The following FLT4 variants were observed in gnomAD, a reference collection of about 807,000 sequenced individuals.
FLT4 encodes the protein vascular endothelial growth factor receptor 3.
In FLT4, 30 loss-of-function variants were observed where a neutral mutation model predicts 163.2. The observed-to-expected ratio is 0.18, with a 90% CI of 0.14 to 0.25. The LOEUF (loss-of-function observed/expected upper bound fraction) is 0.25. Ranked by LOEUF, FLT4 falls within the 10% of genes least tolerant of loss-of-function variation. The pLI is 1.00. For missense variants in FLT4, 1,510 were observed against 1,863.8 expected (o/e 0.81, Z 3.50); for synonymous variants, 884 against 789.5 (o/e 1.12, Z -2.01).
intron 1 of FLT4, among the ~76,000 whole-genome samples, chr5:180,632,560 C>G (rs1764262791): frequency 6.6e-6 from 1 of 152,052 alleles, no homozygotes; most frequent in African/African-American, 2.4e-5. Context: ...TCCTGCAGGA[C>G]TCAGCCCTGC....
At chr5:180,611,557 C>T (rs1762197778) in intron 26 of FLT4, 78 bp from the exon 27 acceptor site, 1 of 1,458,292 alleles carries the variant, frequency 6.9e-7, no homozygotes, top group Non-Finnish European at 9.3e-7. Flanking sequence ...CCTCAGCCCT[C>T]ACCCCCGCCC....
rs35436199 is a variant in FLT4, at chr5:180,619,697, C to T, written c.2615G>A (p.Ser872Asn). 4.3e-6 allele frequency: 7 copies of T among 1,612,710 alleles called. No individual in the cohort carries two copies. The East Asian group carries it at 1.6e-4, about 36-fold the overall frequency. ...CATTTTCACGGCCACGGTGTCACAG[C>T]TGCTGCCCTTGTGGATGCCGAAAGC... ...ASAFGIHKGSSCDTVAVKMLK... is the reference protein window; with the variant it reads ...ASAFGIHKGSNCDTVAVKMLK... The change falls in exon 18 of 30, where the codon AGC becomes AAC. Residue 872 changes from serine (S) to asparagine (N), a missense_variant. Physicochemically the swap from Ser to Asn is conservative, Grantham distance 46 (BLOSUM62 1). This residue lies in a region of FLT4 where 878 missense variants were observed against 1,016.7 expected (regional missense o/e 0.86). Coordinates refer to ENST00000261937, the MANE Select transcript of FLT4 (RefSeq NM_182925.5).
Position 180,621,471 on chromosome 5 carries a change from G to A in FLT4, c.2020+71C>T, listed in dbSNP as rs1267293853. The A allele has an allele frequency of 3.2e-6, 5 of 1,579,560 alleles. No individual in the cohort carries two copies. In the East Asian group the frequency reaches 6.7e-5, roughly 21 times the overall value. ...AATAGACCTCCCAGGGGCGAGCCAC[G>A]CCGGGGCAAAGGCAGAGGCAGCTAC... On this transcript the variant is annotated intron_variant, in intron 13 of 29. Coordinates refer to ENST00000261937, the MANE Select transcript of FLT4 (RefSeq NM_182925.5).
At chr5:180,638,066 C>T (rs1352748416) in intron 1 of FLT4, among the ~76,000 whole-genome samples, 1 of 152,180 alleles carries the variant, frequency 6.6e-6, no homozygotes, top group African/African-American at 2.4e-5. Flanking sequence ...CGCGCATGCT[C>T]TCCCCTGGGC....
chr5:180,616,319 T>G (rs752136152), intron 23 of FLT4, 48 bp downstream of exon 23: 1 of 1,612,608 alleles, frequency 6.2e-7, no homozygotes, highest in South Asian at 1.1e-5. Context: ...GTCCCACCCC[T>G]TCACCTGTTC....
intron 19 of FLT4, 63 bp from the exon 20 acceptor site, chr5:180,619,172 G>C (rs1451997322): frequency 4.6e-6 from 6 of 1,300,086 alleles, no homozygotes; most frequent in Non-Finnish European, 5.9e-6. Context: ...GGCGCGCTCC[G>C]CGTTTGCACC....
intron 22 of FLT4, among the ~76,000 whole-genome samples, 194 bp from the exon 23 acceptor site, chr5:180,616,683 G>A (rs934021929): frequency 6.6e-6 from 1 of 152,206 alleles, no homozygotes; most frequent in East Asian, 1.9e-4. Context: ...GGGGACAGCA[G>A]AGAAAGTTGT....
intron 23 of FLT4, among the ~76,000 whole-genome samples, 187 bp from the exon 24 acceptor site, chr5:180,614,366 C>G (rs928726394): frequency 6.6e-6 from 1 of 151,626 alleles, no homozygotes; most frequent in Non-Finnish European, 1.5e-5. Flanking sequence ...TAACAGGGTC[C>G]TCTGCCTGGG....
At chr5:180,638,508 G>A (rs770419062) in intron 1 of FLT4, among the ~76,000 whole-genome samples, 33 of 152,170 alleles carry the variant, frequency 2.2e-4, no homozygotes, top group African/African-American at 2.4e-4. Context: ...TCTGGGCCCC[G>A]CTCCCTGCAG....
chr5:180,614,334 G>T (rs1158744972), intron 23 of FLT4, among the ~76,000 whole-genome samples, 155 bp from the exon 24 acceptor site: 1 of 152,104 alleles, frequency 6.6e-6, no homozygotes, highest in Non-Finnish European at 1.5e-5. Flanking sequence ...AGAGGGCTGA[G>T]GCCAGATGCT....
At chr5:180,607,850 C>G (rs1761885649) in intron 29 of FLT4, 3 of 528,818 alleles carry the variant, frequency 5.7e-6, no homozygotes, top group Non-Finnish European at 3.4e-6. Context: ...GCTGAAGGGA[C>G]ATTGTGAGAA....
chr5:180,611,126 A>C (rs1762156649), intron 27 of FLT4, among the ~76,000 whole-genome samples: 1 of 152,170 alleles, frequency 6.6e-6, no homozygotes. Context: ...GGTGGACAGG[A>C]CTCAAAAACA....
chr5:180,610,828 C>T (rs1352925203), intron 27 of FLT4, among the ~76,000 whole-genome samples: 3 of 152,216 alleles, frequency 2.0e-5, no homozygotes, highest in African/African-American at 7.2e-5. Context: ...GAGGCCGAGG[C>T]AGGCAGATCA....
At chr5:180,604,193 C>T (rs538069123) in intron 29 of FLT4, among the ~76,000 whole-genome samples, 4 of 152,254 alleles carry the variant, frequency 2.6e-5, no homozygotes, top group East Asian at 1.9e-4. Flanking sequence ...AGCCTGGACC[C>T]GAGACTGTGA....
chr5:180,613,414 CGGGGGA>C, intron 24 of FLT4: 1 of 372,742 alleles, frequency 2.7e-6, no homozygotes, highest in Non-Finnish European at 4.8e-6. Flanking sequence ...TCATCAGCGG[CGGGGGA>C]GCCGCCTGCA....
At chr5:180,607,958 A>AC in intron 29 of FLT4, 1 of 615,326 alleles carries the variant, frequency 1.6e-6, no homozygotes, top group Admixed American at 2.7e-5. Flanking sequence ...CTGGGAAGGC[A>AC]CCTGTTACTC....
chr5:180,621,402 C>A, intron 13 of FLT4, 140 bp downstream of exon 13: 2 of 1,420,182 alleles, frequency 1.4e-6, no homozygotes, highest in Non-Finnish European at 1.9e-6. Context: ...CCGCAGGGGG[C>A]GGCGGATAGT....
At chr5:180,634,191 C>T (rs75281329) in intron 1 of FLT4, among the ~76,000 whole-genome samples, 2,641 of 152,296 alleles carry the variant, frequency 0.017, 73 homozygotes, top group African/African-American at 0.06. Flanking sequence ...GACATCCCTC[C>T]TTCCTTCTTT....
chr5:180,607,979 G>C (rs1158873894), intron 29 of FLT4: 2 of 641,088 alleles, frequency 3.1e-6, no homozygotes, highest in Non-Finnish European at 5.6e-6. Flanking sequence ...AGCAGACCAT[G>C]AAAGGGCGTC....
Sources: gnomAD v4.1 joint callset for allele counts (sites outside exome capture counted in the v4.1 genomes callset) on GRCh38, gnomAD v4.1.1 for gene constraint, gnomAD v4.1.1 regional missense constraint, MANE v1.5 for transcripts, NCBI Gene and HGNC (gene_info 2026-07-23, HGNC 2026-07-21) for gene names.